The following SYNE1 variants were observed in gnomAD, a reference collection of about 807,000 sequenced individuals.
SYNE1 encodes spectrin repeat containing nuclear envelope protein 1.
Under a neutral mutation model 1,111.0 loss-of-function variants are expected in SYNE1, and 616 were observed. The ratio of observed to expected loss-of-function variants is 0.55; its 90% CI spans 0.52 to 0.59. The LOEUF (loss-of-function observed/expected upper bound fraction) is 0.59. SYNE1 is among the 20% of genes least tolerant of loss of function. The pLI, the probability that SYNE1 is intolerant of heterozygous loss-of-function variation, is 0.00. For missense variants in SYNE1, 10,006 were observed against 10,417.0 expected (o/e 0.96, Z 1.72); for synonymous variants, 3,855 against 3,825.8 (o/e 1.01, Z -0.28).
intron 46 of SYNE1, chr6:152,402,639 T>TTCC (rs1414568973): frequency 3.0e-4 from 46 of 152,362 alleles, no homozygotes; most frequent in African/African-American, 1.0e-3. Flanking sequence ...GTTCTTCAGG[T>TTCC]GGCACTGCCG....
At chr6:152,183,670 A>T (rs1052807110) in intron 128 of SYNE1, among the ~76,000 whole-genome samples, 3 of 152,208 alleles carry the variant, frequency 2.0e-5, no homozygotes, top group Admixed American at 6.5e-5. Context: ...CTGCCCCCGA[A>T]TCTTGGCCAT....
chr6:152,373,992 C>G (rs2154098449), intron 58 of SYNE1, among the ~76,000 whole-genome samples: 1 of 152,294 alleles, frequency 6.6e-6, no homozygotes, highest in Middle Eastern at 3.4e-3. Context: ...AGCAGAAGCA[C>G]AATTCTCCCT....
intron 3 of SYNE1, among the ~76,000 whole-genome samples, chr6:152,619,894 C>T (rs2099671581): frequency 6.6e-6 from 1 of 152,096 alleles, no homozygotes; most frequent in Non-Finnish European, 1.5e-5. Flanking sequence ...ATGGGCTCTA[C>T]ATAAGGTATA....
chr6:152,604,998 A>G (rs868430909), intron 3 of SYNE1, among the ~76,000 whole-genome samples: 6 of 26,926 alleles, frequency 2.2e-4, no homozygotes, highest in Non-Finnish European at 4.0e-4. Flanking sequence ...GAAAGAAAGA[A>G]AGAAAGAAAG....
At chr6:152,527,822 C>T (rs1210248047) in intron 4 of SYNE1, among the ~76,000 whole-genome samples, 1 of 152,226 alleles carries the variant, frequency 6.6e-6, no homozygotes, top group Non-Finnish European at 1.5e-5. Context: ...ACATCTTCAT[C>T]TGTTTCGATT....
chr6:152,597,649 T>C (rs1371692266), intron 3 of SYNE1, among the ~76,000 whole-genome samples: 1 of 152,152 alleles, frequency 6.6e-6, no homozygotes, highest in Non-Finnish European at 1.5e-5. Flanking sequence ...CCAGAGACCA[T>C]GTGACTATTA....
intron 99 of SYNE1, 99 bp downstream of exon 99, chr6:152,269,056 C>T (rs569283090): frequency 1.2e-5 from 19 of 1,568,244 alleles, no homozygotes; most frequent in Non-Finnish European, 1.7e-5. Flanking sequence ...GACACTCTGT[C>T]TTTAGTACAG....
At chr6:152,153,036 G>A (rs760163345) in intron 133 of SYNE1, among the ~76,000 whole-genome samples, 11 of 152,046 alleles carry the variant, frequency 7.2e-5, no homozygotes, top group Non-Finnish European at 1.5e-4. Flanking sequence ...TTTTATCTTG[G>A]CATTAGACCA....
Position 152,417,055 on chromosome 6 carries a change from TAC to T in SYNE1, c.5422-42_5422-41del, listed in dbSNP as rs553714771. On this transcript the variant is annotated intron_variant, in intron 40 of 145. Coordinates refer to ENST00000367255, the MANE Select transcript of SYNE1 (RefSeq NM_182961.4). Reference sequence around the variant, plus strand: ...AGAGTTATTGATTCCTGAGATACACTACAGTCTATGGCAGAGGTATTTTACAG... The same window carrying T: ...AGAGTTATTGATTCCTGAGATACACTAGTCTATGGCAGAGGTATTTTACAG... The T allele has an allele frequency of 3.7e-5, 60 of 1,610,970 alleles. No individual in the cohort carries two copies. In the South Asian group the frequency reaches 6.3e-4, roughly 17 times the overall value.
At chr6:152,323,129 C>CT (rs1001844470) in intron 82 of SYNE1, among the ~76,000 whole-genome samples, 1 of 152,184 alleles carries the variant, frequency 6.6e-6, no homozygotes, top group Non-Finnish European at 1.5e-5. Flanking sequence ...TCATAACCTA[C>CT]TTATCCCAAG....
chr6:152,177,004 G>C (rs2066625074), intron 129 of SYNE1, among the ~76,000 whole-genome samples: 1 of 151,946 alleles, frequency 6.6e-6, no homozygotes, highest in African/African-American at 2.4e-5. Context: ...TGATATATAG[G>C]TATATATATA....
At chr6:152,405,619 A>T (rs78364505) in intron 45 of SYNE1, among the ~76,000 whole-genome samples, 1,839 of 152,342 alleles carry the variant, frequency 0.012, 36 homozygotes, top group African/African-American at 0.042. Flanking sequence ...TGTTTTTAAC[A>T]GTGGCTCCCA....
Position 152,267,842 on chromosome 6 carries a change from A to C in SYNE1, c.18815+214T>G, listed in dbSNP as rs188171537. Among the ~76,000 whole-genome samples the C allele has an allele frequency of 6.9e-3, 1,058 of 152,300 alleles. 13 individuals carry two copies. Among genetic ancestry groups the C allele is most frequent in the African/African-American group, 0.024 (979 of 41,568 alleles). ...TGGACAGATAGGCTGCGCAGGCTGG[A>C]AGGAGGGCAAACAAGTAAGCTTACT... On this transcript the variant is annotated intron_variant, in intron 100 of 145. Coordinates refer to ENST00000367255, the MANE Select transcript of SYNE1 (RefSeq NM_182961.4).
Position 152,294,079 on chromosome 6 carries a change from C to T in SYNE1, c.17731G>A (p.Ala5911Thr). 2 of 1,613,806 alleles carry T rather than the reference C, an allele frequency of 1.2e-6. No homozygotes were observed. The highest frequency in any genetic ancestry group is 2.2e-5 in the South Asian group (2 of 91,062). Residue 5911 changes from alanine (A) to threonine (T), a missense_variant, in exon 94 of 146, where the codon GCT (alanine) becomes ACT (threonine). This residue lies in a region of SYNE1 where 4,955 missense variants were observed against 5,017.2 expected (regional missense o/e 0.99). Coordinates refer to ENST00000367255, the MANE Select transcript of SYNE1 (RefSeq NM_182961.4). ...GATGTGCTGGGGTGAATTTTTGCAG[C>T]ATCTGTCTGCAACCTCTCAGCAGAC... ...ALSAERLQTD[A>T]AKIHPSTSAS... is the part of the protein sequence containing the mutation.
intron 3 of SYNE1, among the ~76,000 whole-genome samples, chr6:152,614,806 A>C (rs1020733036): frequency 1.3e-5 from 2 of 152,230 alleles, no homozygotes; most frequent in Non-Finnish European, 2.9e-5. Flanking sequence ...TGTAGTCATA[A>C]AAAAGATGAG....
intron 127 of SYNE1, among the ~76,000 whole-genome samples, chr6:152,193,567 CT>C (rs1202560316): frequency 2.6e-5 from 4 of 152,112 alleles, no homozygotes; most frequent in African/African-American, 9.7e-5. Flanking sequence ...ATCCACCCAC[CT>C]TGGCCTCCTA....
rs566724672 is a variant in SYNE1 at position 152,367,548 on chromosome 6, C to T, written c.9808-166G>A. 16 of 777,182 alleles carry T rather than the reference C, an allele frequency of 2.1e-5. No individual in the cohort carries two copies. The African/African-American group carries it at 2.8e-4, about 13-fold the overall frequency. 48.1% of individuals were successfully genotyped at this position (777,182 alleles called of 1,614,324 possible). On this transcript the variant is annotated intron_variant, in intron 61 of 145. Transcript: ENST00000367255. ...AGATATGTTAAAGATCTTTCTAAAT[C>T]ATAAAACTATTAGAATAACTGGGTC...
chr6:152,191,580 C>G (rs561522409), intron 127 of SYNE1, among the ~76,000 whole-genome samples: 1 of 152,088 alleles, frequency 6.6e-6, no homozygotes, highest in Non-Finnish European at 1.5e-5. Context: ...TCATAAAAGC[C>G]GCTAAAGATC....
chr6:152,554,236 G>A lies in SYNE1; in HGVS notation c.68-14215C>T, dbSNP rs1049527129. Among the ~76,000 whole-genome samples the A allele has an allele frequency of 4.0e-5, 6 of 151,826 alleles. No individual in the cohort carries two copies. The East Asian group carries it at 5.8e-4, about 15-fold the overall frequency. ...CCAGTAACAATGAGAATAGCAGCAC[G>A]GTCCCAATAATAATGAGATCAGTAG... On this transcript the variant is annotated intron_variant, in intron 3 of 145. Coordinates refer to ENST00000367255, the MANE Select transcript of SYNE1 (RefSeq NM_182961.4).
Sources: gnomAD v4.1 joint callset for allele counts (sites outside exome capture counted in the v4.1 genomes callset) on GRCh38, gnomAD v4.1.1 for gene constraint, gnomAD v4.1.1 regional missense constraint, MANE v1.5 for transcripts, NCBI Gene and HGNC (gene_info 2026-07-23, HGNC 2026-07-21) for gene names.